Variants in THRB observed in about 807,000 individuals in gnomAD.
THRB encodes thyroid hormone receptor beta.
Under a neutral mutation model 47.8 loss-of-function variants are expected in THRB, and 12 were observed. The ratio of observed to expected loss-of-function variants is 0.25; its 90% CI spans 0.16 to 0.41. The LOEUF (loss-of-function observed/expected upper bound fraction) is 0.41, where lower values mean the gene tolerates loss of function less well. Among genes scored for constraint, THRB ranks in the 10% least tolerant of loss-of-function variants. THRB has a pLI of 1.00. For missense variants in THRB, 348 were observed against 589.2 expected (o/e 0.59, Z 4.24); for synonymous variants, 218 against 212.2 (o/e 1.03, Z -0.24).
intron 5 of THRB, among the ~76,000 whole-genome samples, chr3:24,155,900 C>A (rs1479292362): frequency 3.3e-5 from 5 of 151,560 alleles, no homozygotes; most frequent in African/African-American, 4.8e-5. Flanking sequence ...TGGTCAATAA[C>A]CCTCCAGAAA....
chr3:24,169,244 T>C (rs983623854), intron 5 of THRB, among the ~76,000 whole-genome samples: 4 of 152,074 alleles, frequency 2.6e-5, no homozygotes, highest in Non-Finnish European at 5.9e-5. Flanking sequence ...GCCAACGAGA[T>C]GTAATAGAAG....
At chr3:24,290,715 G>A (rs1053411761) in intron 3 of THRB, among the ~76,000 whole-genome samples, 3 of 152,126 alleles carry the variant, frequency 2.0e-5, no homozygotes, top group South Asian at 2.1e-4. Context: ...TCCTGGGATG[G>A]CATTAAAATC....
At chr3:24,446,857 T>C (rs963779530) in intron 1 of THRB, among the ~76,000 whole-genome samples, 4 of 152,156 alleles carry the variant, frequency 2.6e-5, no homozygotes, top group African/African-American at 4.8e-5. Flanking sequence ...ACACATGTGA[T>C]TGAGGTAAGG....
At chr3:24,384,538 T>A (rs910363642) in intron 1 of THRB, among the ~76,000 whole-genome samples, 1 of 152,124 alleles carries the variant, frequency 6.6e-6, no homozygotes, top group African/African-American at 2.4e-5. Flanking sequence ...TGAAAATCTA[T>A]GACCACCTTT....
At chr3:24,135,401 GTTTA>G (rs904005270) in intron 8 of THRB, among the ~76,000 whole-genome samples, 4 of 152,066 alleles carry the variant, frequency 2.6e-5, no homozygotes, top group Non-Finnish European at 5.9e-5. Context: ...ATTGTCTTCT[GTTTA>G]TTTTTTACTT....
intron 5 of THRB, among the ~76,000 whole-genome samples, chr3:24,172,530 C>T (rs774824334): frequency 3.0e-4 from 45 of 152,074 alleles, no homozygotes; most frequent in Non-Finnish European, 5.0e-4. Context: ...TAGCCCATTA[C>T]AGCTCTACAA....
chr3:24,325,636 GAGATTATGCC>G (rs1437390466), intron 2 of THRB, among the ~76,000 whole-genome samples: 293 of 152,320 alleles, frequency 1.9e-3, no homozygotes, highest in African/African-American at 6.8e-3. Flanking sequence ...GCAGTGAATT[GAGATTATGCC>G]ACTGCACTCC....
chr3:24,268,198 G>A (rs1057408818), intron 3 of THRB, among the ~76,000 whole-genome samples: 7 of 151,986 alleles, frequency 4.6e-5, no homozygotes, highest in African/African-American at 9.7e-5. Flanking sequence ...ACCCCTCAGT[G>A]ATTCTTGAAA....
chr3:24,194,425 T>C (rs2043725584), intron 4 of THRB, among the ~76,000 whole-genome samples: 1 of 152,226 alleles, frequency 6.6e-6, no homozygotes, highest in Non-Finnish European at 1.5e-5. Flanking sequence ...GTTTACTCTT[T>C]AATGAATCCC....
intron 1 of THRB, among the ~76,000 whole-genome samples, chr3:24,352,400 T>C (rs1181725854): frequency 6.6e-6 from 1 of 152,156 alleles, no homozygotes; most frequent in African/African-American, 2.4e-5. Context: ...AGGATAGGGC[T>C]GTGAGCTAGA....
chr3:24,440,102 C>T (rs949607680), intron 1 of THRB, among the ~76,000 whole-genome samples: 4 of 152,140 alleles, frequency 2.6e-5, no homozygotes, highest in Non-Finnish European at 5.9e-5. Context: ...TATATATATT[C>T]GCATGTGCTG....
chr3:24,233,454 C>A (rs2048445733), intron 3 of THRB, among the ~76,000 whole-genome samples: 1 of 139,048 alleles, frequency 7.2e-6, no homozygotes, highest in Admixed American at 7.6e-5. Context: ...GAGACCCTGT[C>A]TCAAAAAAAA....
chr3:24,327,792 C>T (rs1278985502), intron 2 of THRB, among the ~76,000 whole-genome samples: 3 of 152,148 alleles, frequency 2.0e-5, no homozygotes, highest in Non-Finnish European at 4.4e-5. Context: ...CAAATTAAGA[C>T]TTTGCAATAG....
At chr3:24,414,567 A>G (rs2068587804) in intron 1 of THRB, among the ~76,000 whole-genome samples, 2 of 151,946 alleles carry the variant, frequency 1.3e-5, no homozygotes, top group South Asian at 4.1e-4. Context: ...TTAAAAATAT[A>G]CAAACAAAAA....
At chr3:24,427,816 A>C (rs762314120) in intron 1 of THRB, among the ~76,000 whole-genome samples, 6 of 152,092 alleles carry the variant, frequency 3.9e-5, no homozygotes, top group Non-Finnish European at 5.9e-5. Context: ...GAATCATAGT[A>C]TCACAGTATC....
intron 3 of THRB, among the ~76,000 whole-genome samples, chr3:24,254,216 A>T (rs1181846789): frequency 5.3e-5 from 1 of 19,044 alleles, no homozygotes; most frequent in Non-Finnish European, 1.5e-4. Context: ...AAAAAAAAAA[A>T]AAAAAAAAAA....
intron 8 of THRB, 51 bp downstream of exon 8, chr3:24,143,450 G>T (rs991521862): frequency 1.3e-6 from 2 of 1,554,666 alleles, no homozygotes; most frequent in Non-Finnish European, 1.8e-6. Flanking sequence ...ATAAATTGAG[G>T]TAGAAAACAC....
At chr3:24,365,285 G>T (rs1206514516) in intron 1 of THRB, among the ~76,000 whole-genome samples, 2 of 152,128 alleles carry the variant, frequency 1.3e-5, no homozygotes, top group Non-Finnish European at 2.9e-5. Context: ...GCAGGAACAG[G>T]CAGAGGGCAG....
intron 1 of THRB, among the ~76,000 whole-genome samples, chr3:24,426,870 C>T (rs974232339): frequency 5.3e-5 from 8 of 152,036 alleles, no homozygotes; most frequent in Admixed American, 2.6e-4. Context: ...ATATGGAATA[C>T]GCTTGTGAAT....
Sources: gnomAD v4.1 joint callset for allele counts (sites outside exome capture counted in the v4.1 genomes callset) on GRCh38, gnomAD v4.1.1 for gene constraint, MANE v1.5 for transcripts, NCBI Gene and HGNC (gene_info 2026-07-23, HGNC 2026-07-21) for gene names.